SNAP91: variants seen among roughly 807,000 people sequenced by gnomAD.
The protein encoded by SNAP91 is clathrin coat assembly protein AP180.
A neutral mutation model predicts 100.3 loss-of-function variants in SNAP91; 27 were observed. That is an observed-to-expected ratio of 0.27 (90% CI 0.20 to 0.37). The LOEUF is 0.37. Among genes scored for constraint, SNAP91 ranks in the 10% least tolerant of loss-of-function variants. The pLI, the probability that SNAP91 is intolerant of heterozygous loss-of-function variation, is 1.00. For missense variants in SNAP91, 986 were observed against 1,123.7 expected, an observed-to-expected ratio of 0.88 and a Z score of 1.75; for synonymous variants, 404 against 398.6, an observed-to-expected ratio of 1.01 and a Z score of -0.16.
At chr6:83,583,679 T>C (rs952046533) in intron 22 of SNAP91, among the ~76,000 whole-genome samples, 14 of 152,206 alleles carry the variant, frequency 9.2e-5, no homozygotes, top group Non-Finnish European at 7.3e-5. Context: ...TATATTCCTT[T>C]CAAATCCAGC....
chr6:83,642,389 T>A (rs1032922688), intron 7 of SNAP91, among the ~76,000 whole-genome samples: 1 of 152,114 alleles, frequency 6.6e-6, no homozygotes, highest in Non-Finnish European at 1.5e-5. Context: ...CCTTCCTGTG[T>A]CCAAGTGTTC....
In SNAP91 at chr6:83,628,222, C is replaced by CATATATATATATAT. The variant is rs57893971; in HGVS notation, c.766-4894_766-4881dup. On this transcript the variant is annotated intron_variant, in intron 8 of 29. Transcript: ENST00000369694. ...TATAGCTAAGTAATATTCCATTTTA[C>CATATATATATATAT]ATATATATATATATATATATATATC... Among the ~76,000 whole-genome samples the CATATATATATATAT allele has an allele frequency of 5.2e-3, 647 of 124,638 alleles. 15 individuals are homozygous for CATATATATATATAT. Among genetic ancestry groups the CATATATATATATAT allele is most frequent in the Middle Eastern group, 0.013 (3 of 230 alleles). The allele number at this position is 124,638 out of a possible 152,430, so 81.8% of individuals were successfully genotyped here.
intron 2 of SNAP91, among the ~76,000 whole-genome samples, chr6:83,693,669 G>A (rs373022165): frequency 2.0e-5 from 3 of 152,140 alleles, no homozygotes; most frequent in African/African-American, 7.2e-5. Context: ...CTCCACTAAT[G>A]CAAAATGTAA....
intron 2 of SNAP91, among the ~76,000 whole-genome samples, chr6:83,676,686 T>C (rs2098908390): frequency 6.6e-6 from 1 of 152,150 alleles, no homozygotes; most frequent in East Asian, 1.9e-4. Flanking sequence ...CAAAATGTAA[T>C]GGGAAGCTGC....
intron 2 of SNAP91, among the ~76,000 whole-genome samples, chr6:83,691,657 G>A (rs1198592787): frequency 6.6e-6 from 1 of 152,100 alleles, no homozygotes; most frequent in Non-Finnish European, 1.5e-5. Context: ...TGCTGACCAC[G>A]AAGAACCCAG....
intron 5 of SNAP91, among the ~76,000 whole-genome samples, chr6:83,660,830 G>A (rs185010720): frequency 5.6e-4 from 85 of 150,814 alleles, no homozygotes; most frequent in Admixed American, 2.2e-3. Flanking sequence ...CCAGGCTGGA[G>A]TGCAGGGGCA....
At chr6:83,655,728 A>C (rs1239307650) in intron 7 of SNAP91, among the ~76,000 whole-genome samples, 1 of 152,238 alleles carries the variant, frequency 6.6e-6, no homozygotes, top group Admixed American at 6.5e-5. Flanking sequence ...TATCAAAAGA[A>C]GCAGTCTATA....
At chr6:83,641,052 A>G in intron 8 of SNAP91, 44 bp downstream of exon 8, 1 of 1,136,244 alleles carries the variant, frequency 8.8e-7, no homozygotes, top group Non-Finnish European at 1.2e-6. Context: ...ACATGAGCAA[A>G]TATTTAAAAA....
intron 27 of SNAP91, among the ~76,000 whole-genome samples, 187 bp from the exon 28 acceptor site, chr6:83,560,395 G>A (rs1785238806): frequency 6.6e-6 from 1 of 152,202 alleles, no homozygotes; most frequent in Non-Finnish European, 1.5e-5. Context: ...TCGCTAAGGT[G>A]GGTGGGTAGC....
chr6:83,575,801 G>A (rs1223669230), intron 25 of SNAP91, among the ~76,000 whole-genome samples: 12 of 152,186 alleles, frequency 7.9e-5, no homozygotes, highest in African/African-American at 1.9e-4. Flanking sequence ...TGACAATCTC[G>A]GAGATTGAAA....
At chr6:83,590,562 CA>C (rs920705794) in intron 22 of SNAP91, among the ~76,000 whole-genome samples, 3 of 148,898 alleles carry the variant, frequency 2.0e-5, no homozygotes, top group Non-Finnish European at 4.5e-5. Context: ...AAAAAAAAAA[CA>C]AAAAACAAAA....
At chr6:83,620,835 C>T (rs2128394956) in intron 9 of SNAP91, among the ~76,000 whole-genome samples, 1 of 152,030 alleles carries the variant, frequency 6.6e-6, no homozygotes, top group South Asian at 2.1e-4. Context: ...CCTCAGCCTC[C>T]CAAGTAGCCG....
rs1827010416 is a variant in SNAP91 at position 83,580,717 on chromosome 6, A to G, written c.2150-118T>C. The G allele has an allele frequency of 9.4e-6, 9 of 961,598 alleles. No homozygotes were observed. The South Asian group carries it at 1.6e-4, about 17-fold the overall frequency. 59.6% of individuals were successfully genotyped at this position (961,598 alleles called of 1,614,324 possible). ...ACAAGTGAATATAAAATCTTATAAA[A>G]GAAGGCAAGTAATTCACACTTTTCA... On this transcript the variant is annotated intron_variant, in intron 23 of 29. Coordinates refer to ENST00000369694, the MANE Select transcript of SNAP91 (RefSeq NM_001242792.2).
intron 22 of SNAP91, among the ~76,000 whole-genome samples, chr6:83,590,882 G>A (rs1287165292): frequency 3.3e-5 from 5 of 152,056 alleles, no homozygotes; most frequent in Admixed American, 1.3e-4. Flanking sequence ...AACTTCTATC[G>A]TACAATGACT....
chr6:83,673,865 A>C (rs1267636458), intron 2 of SNAP91, among the ~76,000 whole-genome samples: 1 of 152,222 alleles, frequency 6.6e-6, no homozygotes, highest in Non-Finnish European at 1.5e-5. Context: ...TCACTTGGGA[A>C]GACTCTTTCT....
At chr6:83,634,265 T>G (rs1270701258) in intron 8 of SNAP91, among the ~76,000 whole-genome samples, 1 of 152,160 alleles carries the variant, frequency 6.6e-6, no homozygotes, top group Non-Finnish European at 1.5e-5. Flanking sequence ...TTTTTTTCAC[T>G]GCTTCTTCTA....
At chr6:83,580,370 A>T in intron 24 of SNAP91, 80 bp downstream of exon 24, 3 of 458,928 alleles carry the variant, frequency 6.5e-6, no homozygotes, top group African/African-American at 2.1e-5. Context: ...ATATGAGATG[A>T]GAGAGAGAGA....
intron 4 of SNAP91, 110 bp from the exon 5 acceptor site, chr6:83,661,714 G>T: frequency 1.9e-6 from 1 of 531,130 alleles, no homozygotes; most frequent in Non-Finnish European, 3.3e-6. Flanking sequence ...CCTAGGATAG[G>T]GTCAATAACT....
chr6:83,676,347 TAAG>T (rs1401851000), intron 2 of SNAP91, among the ~76,000 whole-genome samples: 7 of 151,882 alleles, frequency 4.6e-5, no homozygotes, highest in African/African-American at 7.3e-5. Flanking sequence ...AATAAAAAAG[TAAG>T]AAGAGAAATA....
Sources: gnomAD v4.1 joint callset for allele counts (sites outside exome capture counted in the v4.1 genomes callset) on GRCh38, gnomAD v4.1.1 for gene constraint, MANE v1.5 for transcripts, NCBI Gene and HGNC (gene_info 2026-07-23, HGNC 2026-07-21) for gene names.